Variants in LIFR observed in about 807,000 individuals in gnomAD.
LIFR encodes LIF receptor subunit alpha.
LIFR carries 84 observed loss-of-function variants against 122.2 expected under a neutral mutation model. The observed-to-expected ratio is 0.69, with a 90% CI of 0.58 to 0.82. The LOEUF (loss-of-function observed/expected upper bound fraction) is 0.82, where lower values mean the gene tolerates loss of function less well. Ranked by LOEUF, LIFR falls within the 40% of genes least tolerant of loss-of-function variation. The pLI is 0.00. For missense variants in LIFR, 1,294 were observed against 1,311.6 expected (o/e 0.99, Z 0.21); for synonymous variants, 422 against 434.7 (o/e 0.97, Z 0.36).
At chr5:38,532,272 G>A (rs933228091) in intron 1 of LIFR, among the ~76,000 whole-genome samples, 28 of 152,314 alleles carry the variant, frequency 1.8e-4, no homozygotes, top group African/African-American at 6.7e-4. Flanking sequence ...AAGAGCTCTG[G>A]ACCAGGTGCT....
rs565750162 is a variant in LIFR at position 38,552,161 on chromosome 5, A to G, written c.-20+4173T>C. 7.2e-5 allele frequency among the ~76,000 whole-genome samples: 11 copies of G among 152,354 alleles called. No homozygotes were observed. In the South Asian group the frequency reaches 2.3e-3, roughly 32 times the overall value. ...GGAAATAAAATTGTCTTAAGTAGAA[A>G]CTGCTTATTATGCTAAGTTATTAAT... On this transcript the variant is annotated intron_variant, in intron 1 of 19. Transcript: ENST00000453190.
rs559848047 is a variant in LIFR at position 38,602,946 on chromosome 5, G to T, written n.305+3259C>A. Among the ~76,000 whole-genome samples the T allele has an allele frequency of 3.3e-5, 5 of 152,216 alleles. No individual in the cohort carries two copies. The East Asian group carries it at 9.7e-4, about 29-fold the overall frequency. ...ACAAAATGGAGTATGACCTTCCAGG[G>T]GCACACCACTGGAGAAGGGAAGAGA... On this transcript the variant is annotated intron_variant and non_coding_transcript_variant, in intron 2 of 3. Coordinates refer to the LIFR transcript ENST00000507786.
upstream of LIFR, among the ~76,000 whole-genome samples, chr5:38,560,753 G>A (rs1748806335): frequency 6.6e-6 from 1 of 151,816 alleles, no homozygotes; most frequent in African/African-American, 2.4e-5. Flanking sequence ...CCGCCACCAC[G>A]TCTGGCTAAT....
intron 1 of LIFR, chr5:38,530,936 A>T: frequency 2.7e-6 from 1 of 364,828 alleles, no homozygotes; most frequent in African/African-American, 2.1e-5. Flanking sequence ...TTACAACAAA[A>T]TTATAAGCAC....
At chr5:38,546,922 G>C (rs1747924376) in intron 1 of LIFR, among the ~76,000 whole-genome samples, 1 of 152,150 alleles carries the variant, frequency 6.6e-6, no homozygotes, top group Non-Finnish European at 1.5e-5. Flanking sequence ...TGGCCTTCAG[G>C]AAAGGGTGAG....
intron 1 of LIFR, among the ~76,000 whole-genome samples, chr5:38,591,492 C>T (rs187808744): frequency 9.2e-5 from 14 of 152,260 alleles, no homozygotes; most frequent in Admixed American, 7.8e-4. Flanking sequence ...TTGGACTTAA[C>T]GTTATGCTTT....
chr5:38,537,564 A>G (rs1248811561), intron 1 of LIFR, among the ~76,000 whole-genome samples: 1 of 152,196 alleles, frequency 6.6e-6, no homozygotes, highest in Non-Finnish European at 1.5e-5. Flanking sequence ...TTCCTCCAAT[A>G]AATCTTTAAC....
chr5:38,520,755 T>C (rs1474483261), intron 5 of LIFR, among the ~76,000 whole-genome samples: 1 of 152,218 alleles, frequency 6.6e-6, no homozygotes, highest in Non-Finnish European at 1.5e-5. Flanking sequence ...AAAAACATAG[T>C]TATTTCTGGA....
chr5:38,500,074 C>A (rs1745096413), intron 11 of LIFR, among the ~76,000 whole-genome samples: 1 of 152,184 alleles, frequency 6.6e-6, no homozygotes, highest in African/African-American at 2.4e-5. Flanking sequence ...CCATTCCCTT[C>A]ACCCCCTCCT....
Position 38,489,174 on chromosome 5 carries a change from T to C in LIFR, c.2239A>G (p.Ile747Val). 1 of 1,612,810 alleles carries C rather than the reference T, an allele frequency of 6.2e-7. No homozygotes were observed. ...AAGCCTCTAAGTTCTTCCACAGGAA[T>C]GTCTTCCCATTTTACTAATATCGAA... ...ADSILVKWED[I>V]PVEELRGFLR... The change falls in exon 16 of 20, where the codon ATT becomes GTT. Residue 747 changes from isoleucine (I) to valine (V), a missense_variant. Coordinates refer to ENST00000453190, the MANE Select transcript of LIFR (RefSeq NM_001127671.2).
At chr5:38,593,837 C>T (rs562525159) in intron 1 of LIFR, among the ~76,000 whole-genome samples, 59 of 152,204 alleles carry the variant, frequency 3.9e-4, no homozygotes, top group Admixed American at 2.5e-3. Flanking sequence ...CCTCTAAGAA[C>T]GAGGAAGTGG....
At chr5:38,540,273 C>T (rs915009558) in intron 1 of LIFR, among the ~76,000 whole-genome samples, 1 of 152,132 alleles carries the variant, frequency 6.6e-6, no homozygotes, top group African/African-American at 2.4e-5. Context: ...TTCAGAAAAC[C>T]TTGTTTGTCA....
intron 1 of LIFR, among the ~76,000 whole-genome samples, chr5:38,548,512 CAT>C (rs1211556605): frequency 6.6e-6 from 1 of 152,146 alleles, no homozygotes; most frequent in Non-Finnish European, 1.5e-5. Flanking sequence ...TGGTCACTTC[CAT>C]ATGTCATTCA....
intron 1 of LIFR, among the ~76,000 whole-genome samples, chr5:38,538,962 TTC>T (rs1203551683): frequency 6.6e-6 from 1 of 152,034 alleles, no homozygotes; most frequent in East Asian, 1.9e-4. Context: ...TTCCTCTTGG[TTC>T]TCTCTTTTTT....
In LIFR at chr5:38,490,221, T is replaced by C; in HGVS notation, c.2136A>G (p.Leu712=). ...YGCRNQGYQL[L]RSMIGYIEEL... The stretch of plus-strand genomic sequence containing the variant: ...CTTCTATATATCCAATCATGGAGCG[T>C]AATAATTGATATCCTTGATTTCTGC... The change falls in exon 15 of 20, where the codon TTA becomes TTG. Residue 712 remains leucine, a synonymous_variant. Coordinates refer to ENST00000453190, the MANE Select transcript of LIFR (RefSeq NM_001127671.2). The C allele has an allele frequency of 6.3e-7, 1 of 1,575,138 alleles. No homozygotes were observed. The highest frequency in any genetic ancestry group is 2.3e-5 in the East Asian group (1 of 44,386).
intron 5 of LIFR, among the ~76,000 whole-genome samples, chr5:38,522,451 G>A (rs1422154387): frequency 6.6e-6 from 1 of 152,166 alleles, no homozygotes; most frequent in East Asian, 1.9e-4. Context: ...AGTTGAGTAC[G>A]AGGTGCCTCT....
At position 38,478,431 on chromosome 5, in the gene LIFR, T is replaced by G. The variant is rs1743824755; in HGVS notation, c.*3164A>C. The G allele has an allele frequency of 4.7e-6, 1 of 211,584 alleles. No homozygotes were observed. Among genetic ancestry groups the G allele is most frequent in the East Asian group, 7.0e-5 (1 of 14,188 alleles). 13.1% of individuals were successfully genotyped at this position (211,584 alleles called of 1,614,324 possible). A position where few individuals can be genotyped will look rare whatever the true frequency, so the allele number is the denominator to read the frequency against. ...AAAGCACCTCTATCATATAAGCACA[T>G]AAACACACAACTCAACTATCCAGAT... is the stretch of plus-strand genomic sequence containing the variant. On this transcript the variant is annotated 3_prime_UTR_variant, in exon 20 of 20. Transcript: ENST00000453190.
intron 16 of LIFR, among the ~76,000 whole-genome samples, chr5:38,488,833 G>A (rs748398862): frequency 9.9e-5 from 15 of 152,090 alleles, no homozygotes; most frequent in Non-Finnish European, 2.2e-4. Flanking sequence ...TGTCCTATGA[G>A]GCTTATAATC....
At chr5:38,581,765 A>G (rs968687560) in intron 1 of LIFR, among the ~76,000 whole-genome samples, 2 of 152,238 alleles carry the variant, frequency 1.3e-5, no homozygotes, top group African/African-American at 4.8e-5. Flanking sequence ...TGAGCAAGTC[A>G]CATGGCCAAA....
Sources: gnomAD v4.1 joint callset for allele counts (sites outside exome capture counted in the v4.1 genomes callset) on GRCh38, gnomAD v4.1.1 for gene constraint, MANE v1.5 for transcripts, NCBI Gene and HGNC (gene_info 2026-07-23, HGNC 2026-07-21) for gene names.